Variants in KLF8 observed in about 807,000 individuals in gnomAD.
KLF8 encodes the protein Krueppel-like factor 8.
In KLF8, 10 loss-of-function variants were observed where a neutral mutation model predicts 18.2. That is an observed-to-expected ratio of 0.55 (90% confidence interval 0.34 to 0.93). The LOEUF is 0.93. Ranked by LOEUF, KLF8 falls within the 40% of genes least tolerant of loss-of-function variation. The pLI is 0.02. For synonymous variants in KLF8, 109 were observed against 97.3 expected (o/e 1.12, Z -0.71); for missense variants, 264 against 277.9 (o/e 0.95, Z 0.36).
chrX:56,080,618 T>G, the KLF8 span, among the ~76,000 whole-genome samples: 4 of 111,119 alleles, frequency 3.6e-5, no homozygotes, highest in Non-Finnish European at 1.9e-5. Flanking sequence ...AATCTGACAA[T>G]TATGTGTCTT....
the KLF8 span, among the ~76,000 whole-genome samples, chrX:56,032,347 T>C: frequency 9.0e-6 from 1 of 111,673 alleles, no homozygotes; most frequent in Non-Finnish European, 1.9e-5. Context: ...GTATAATTTA[T>C]ATTTAGTAAA....
chrX:56,196,946 C>T, the KLF8 span, among the ~76,000 whole-genome samples: 1 of 111,916 alleles, frequency 8.9e-6, no homozygotes, highest in East Asian at 2.8e-4. Context: ...GAAACTTACT[C>T]AAAACAGCAC....
chrX:56,052,637 A>G, the KLF8 span, among the ~76,000 whole-genome samples: 1 of 111,913 alleles, frequency 8.9e-6, no homozygotes, highest in African/African-American at 3.2e-5. Context: ...TCAGATCTCC[A>G]GCTGCGTGCT....
At chrX:56,280,821 A>T (rs2067191594) in intron 5 of KLF8, among the ~76,000 whole-genome samples, 1 of 111,820 alleles carries the variant, frequency 8.9e-6, no homozygotes, top group Non-Finnish European at 1.9e-5. Context: ...TCTCGCTGTC[A>T]CCTCCTTAGG....
chrX:56,005,696 G>A, the KLF8 span, among the ~76,000 whole-genome samples: 3 of 112,442 alleles, frequency 2.7e-5, no homozygotes, highest in Non-Finnish European at 5.6e-5. Flanking sequence ...ATGGCAGGGT[G>A]TGTGCATGCA....
the KLF8 span, among the ~76,000 whole-genome samples, chrX:56,009,985 T>C: frequency 1.8e-5 from 2 of 112,045 alleles, no homozygotes; most frequent in East Asian, 5.5e-4. Flanking sequence ...CTATGACTGA[T>C]TGGGGTACCT....
chrX:56,224,062 C>T, the KLF8 span, among the ~76,000 whole-genome samples: 2 of 110,567 alleles, frequency 1.8e-5, no homozygotes, highest in Admixed American at 9.7e-5. Context: ...TAAGCCATGG[C>T]GTCTGGCTTA....
the KLF8 span, among the ~76,000 whole-genome samples, chrX:55,939,760 A>G: frequency 8.9e-6 from 1 of 112,116 alleles, no homozygotes; most frequent in South Asian, 3.7e-4. Context: ...CCACGCAAAT[A>G]AACTAGAAAA....
the KLF8 span, among the ~76,000 whole-genome samples, chrX:56,224,803 A>C: frequency 7.2e-5 from 8 of 111,678 alleles, no homozygotes; most frequent in African/African-American, 2.6e-4. Flanking sequence ...ACATAAAATA[A>C]ATTTATTTAC....
intron 2 of KLF8, among the ~76,000 whole-genome samples, chrX:56,256,441 T>C (rs1464949643): frequency 9.0e-6 from 1 of 111,099 alleles, no homozygotes; most frequent in Non-Finnish European, 1.9e-5. Flanking sequence ...GTTTTTCTAT[T>C]TTTTTTTCCA....
At chrX:56,036,586 G>T in the KLF8 span, among the ~76,000 whole-genome samples, 22 of 112,121 alleles carry the variant, frequency 2.0e-4, no homozygotes, top group Non-Finnish European at 3.2e-4. Flanking sequence ...CCACGACTTT[G>T]TAGTATATTT....
the KLF8 span, among the ~76,000 whole-genome samples, chrX:55,986,246 C>G: frequency 2.7e-5 from 3 of 111,619 alleles, no homozygotes; most frequent in Non-Finnish European, 3.8e-5. Context: ...CAGCTTTTGC[C>G]TATTCGGTGT....
At chrX:55,950,958 T>C in the KLF8 span, among the ~76,000 whole-genome samples, 4 of 111,739 alleles carry the variant, frequency 3.6e-5, no homozygotes, top group Admixed American at 3.8e-4. Context: ...GTTGGTGTCA[T>C]GTTATGACAC....
the KLF8 span, among the ~76,000 whole-genome samples, chrX:56,224,560 C>A: frequency 1.8e-5 from 2 of 111,435 alleles, no homozygotes; most frequent in Non-Finnish European, 3.8e-5. Context: ...TGTTTTAATG[C>A]TAAACTGTGT....
At chrX:56,073,748 C>CTTT in the KLF8 span, among the ~76,000 whole-genome samples, 5 of 92,602 alleles carry the variant, frequency 5.4e-5, no homozygotes, top group Admixed American at 2.5e-4. Flanking sequence ...CTAATGATGG[C>CTTT]TTTTTTTTTT....
the KLF8 span, among the ~76,000 whole-genome samples, chrX:55,913,709 G>A: frequency 8.0e-5 from 9 of 111,835 alleles, no homozygotes; most frequent in South Asian, 3.8e-4. Flanking sequence ...GTGACACTTC[G>A]TCATAGCAGC....
At chrX:56,115,516 G>A in the KLF8 span, among the ~76,000 whole-genome samples, 1 of 111,484 alleles carries the variant, frequency 9.0e-6, no homozygotes. Context: ...TATTCCCTAT[G>A]CATTTTGGAG....
chrX:56,162,319 C>A, the KLF8 span, among the ~76,000 whole-genome samples: 1 of 112,138 alleles, frequency 8.9e-6, no homozygotes, highest in Non-Finnish European at 1.9e-5. Context: ...ACATTTAATT[C>A]TGCAGAGTTT....
chrX:56,104,446 G>A, the KLF8 span, among the ~76,000 whole-genome samples: 1 of 111,461 alleles, frequency 9.0e-6, no homozygotes, highest in Non-Finnish European at 1.9e-5. Context: ...AGTCTTGGGA[G>A]GGTGTATGTG....
Sources: gnomAD v4.1 joint callset for allele counts (sites outside exome capture counted in the v4.1 genomes callset) on GRCh38, gnomAD v4.1.1 for gene constraint, MANE v1.5 for transcripts, NCBI Gene and HGNC (gene_info 2026-07-23, HGNC 2026-07-21) for gene names.